RYR1: variants seen among roughly 807,000 people sequenced by gnomAD.
RYR1 encodes central core disease of muscle.
Under a neutral mutation model 583.5 loss-of-function variants are expected in RYR1, and 342 were observed. The ratio of observed to expected loss-of-function variants is 0.59; its 90% CI spans 0.54 to 0.64. RYR1 has a LOEUF of 0.64. Among genes scored for constraint, RYR1 ranks in the 30% least tolerant of loss-of-function variants. RYR1 has a pLI of 0.00. For missense variants in RYR1, 6,032 were observed against 6,917.2 expected (o/e 0.87, Z 4.54); for synonymous variants, 2,791 against 2,822.5 (o/e 0.99, Z 0.35).
At chr19:38,443,445 T>C (rs902160016) in intron 3 of RYR1, 113 bp from the exon 4 acceptor site, 8 of 939,184 alleles carry the variant, frequency 8.5e-6, no homozygotes, top group Non-Finnish European at 1.7e-6. Context: ...CCTCTAGGCC[T>C]GAGCATGGTA....
Position 38,483,194 on chromosome 19 carries a change from A to C in RYR1, c.4707+81A>C. The stretch of plus-strand genomic sequence containing the variant: ...GGAGGCCAGGCGGGCAGAGCCACTG[A>C]AGGGGAGGGGGCAATCCAAGAGGTC... On this transcript the variant is annotated intron_variant, in intron 32 of 105. Coordinates refer to ENST00000359596, the MANE Select transcript of RYR1 (RefSeq NM_000540.3). This position sits in a 1 kb window ranked among gnomAD's most constrained non-coding sequence, Gnocchi z 6.3. The C allele has an allele frequency of 6.3e-7, 1 of 1,594,628 alleles. No individual in the cohort carries two copies. Among genetic ancestry groups the C allele is most frequent in the Non-Finnish European group, 8.6e-7 (1 of 1,163,800 alleles).
intron 71 of RYR1, among the ~76,000 whole-genome samples, chr19:38,526,591 T>C (rs1364990898): frequency 1.4e-5 from 2 of 145,276 alleles, no homozygotes; most frequent in Admixed American, 1.4e-4. Context: ...TTGGCCCCTG[T>C]GTAACCAGTG....
Position 38,565,857 on chromosome 19 carries a change from A to C in RYR1, c.13437+86A>C. On this transcript the variant is annotated intron_variant, in intron 91 of 105. Coordinates refer to ENST00000359596, the MANE Select transcript of RYR1 (RefSeq NM_000540.3). This position sits in a 1 kb window ranked among gnomAD's most constrained non-coding sequence, Gnocchi z 4.7. Reference sequence around the variant, plus strand: ...AGCCCGGCTGGGTGGAGACACACACAGAGGAGAGAACTGGCTAGGGGGATG... The same window carrying C: ...AGCCCGGCTGGGTGGAGACACACACCGAGGAGAGAACTGGCTAGGGGGATG... The C allele has an allele frequency of 3.0e-6, 4 of 1,322,822 alleles. No homozygotes were observed. The highest frequency in any genetic ancestry group is 3.9e-6 in the Non-Finnish European group (4 of 1,037,032). 81.9% of individuals were successfully genotyped at this position (1,322,822 alleles called of 1,614,324 possible).
Position 38,519,294 on chromosome 19 carries a change from A to G in RYR1, c.10099A>G (p.Lys3367Glu). ...HFIPTIGRLR[K>E]RAGKVVSEEE... ...CATCCCAACTATCGGGCGGCTGCGC[A>G]AGAGGGCAGGGAAGGTGGTGTCCGA... is the stretch of plus-strand genomic sequence containing the variant. Residue 3367 changes from lysine to glutamate, a missense_variant, in exon 67 of 106, where the codon AAG becomes GAG. Around this residue, in one of 11 missense-constraint regions of RYR1, gnomAD observed 1,493 missense variants for 1,715.5 expected, o/e 0.87. Coordinates refer to ENST00000359596, the MANE Select transcript of RYR1 (RefSeq NM_000540.3). 1.2e-6 allele frequency: 2 copies of G among 1,614,106 alleles called. No homozygotes were observed. Among genetic ancestry groups the G allele is most frequent in the Non-Finnish European group, 1.7e-6 (2 of 1,179,978 alleles).
chr19:38,536,171 A>AG, intron 82 of RYR1, 101 bp downstream of exon 82: 1 of 1,012,612 alleles, frequency 9.9e-7, no homozygotes, highest in Non-Finnish European at 1.4e-6. Flanking sequence ...CCTTCCTCCA[A>AG]GACACTGGTT....
rs541081025 is a variant in RYR1, at chr19:38,561,216, A to G, written c.12386A>G (p.Asn4129Ser). Residue 4129 changes from asparagine (N) to serine (S), a missense_variant, in exon 90 of 106, where the codon AAC (asparagine) becomes AGC (serine). Physicochemically the swap from Asn to Ser is conservative, Grantham distance 46. Around this residue, in one of 11 missense-constraint regions of RYR1, gnomAD observed 753 missense variants for 759.6 expected, o/e 0.99. Transcript: ENST00000359596. This position sits in a 1 kb window ranked among gnomAD's most constrained non-coding sequence, Gnocchi z 4.8. ...ATGATCAACTGCGAAGAGTTCGCCA[A>G]CCGCTTCCAGGAGCCAGCACGCGAC... is the stretch of plus-strand genomic sequence containing the variant. ...NEMINCEEFANRFQEPARDIG... is the reference protein window; with the variant it reads ...NEMINCEEFASRFQEPARDIG... 1.2e-6 allele frequency: 2 copies of G among 1,614,010 alleles called. No homozygotes were observed. The highest frequency in any genetic ancestry group is 1.1e-5 in the South Asian group (1 of 91,086).
At chr19:38,527,293 C>T (rs1971508000) in intron 72 of RYR1, among the ~76,000 whole-genome samples, 1 of 152,194 alleles carries the variant, frequency 6.6e-6, no homozygotes, top group South Asian at 2.1e-4. Flanking sequence ...GGCAGATCAC[C>T]TGAGGTTAGG....
intron 101 of RYR1, among the ~76,000 whole-genome samples, chr19:38,581,907 C>T (rs1974231451): frequency 6.6e-6 from 1 of 152,076 alleles, no homozygotes. Context: ...TGCACCCGGC[C>T]TTATTTGAGC....
chr19:38,576,704 G>A (rs146926456), intron 97 of RYR1, among the ~76,000 whole-genome samples: 48 of 151,976 alleles, frequency 3.2e-4, no homozygotes, highest in African/African-American at 1.1e-3. Flanking sequence ...AGAGACTGAG[G>A]CAGGAGAATC....
At chr19:38,498,856 A>G (rs1236483418) in intron 42 of RYR1, among the ~76,000 whole-genome samples, 1 of 152,110 alleles carries the variant, frequency 6.6e-6, no homozygotes, top group African/African-American at 2.4e-5. Context: ...TCTTGTGCCA[A>G]CCTTCTATCT....
At chr19:38,471,057 G>A (rs900454098) in intron 27 of RYR1, among the ~76,000 whole-genome samples, 4 of 152,238 alleles carry the variant, frequency 2.6e-5, no homozygotes, top group South Asian at 4.1e-4. Context: ...AGAAGAAGCC[G>A]GAGACAAGAG....
At position 38,543,915 on chromosome 19, in the gene RYR1, G is replaced by T; in HGVS notation, c.12012+40G>T. The T allele has an allele frequency of 6.3e-7, 1 of 1,577,028 alleles. No homozygotes were observed. The highest frequency in any genetic ancestry group is 2.3e-5 in the East Asian group (1 of 44,038). On this transcript the variant is annotated intron_variant, in intron 87 of 105. Transcript: ENST00000359596. The surrounding 1 kb of genome is among the most constrained non-coding windows in gnomAD (Gnocchi z 4.4). ...GGTCTCCATCCACCTGCTTCCGGGC[G>T]TCCCCCAAGTGGTCCATTTCCAAGT...
intron 20 of RYR1, among the ~76,000 whole-genome samples, chr19:38,461,408 A>G (rs12979436): frequency 0.89 from 135,031 of 152,068 alleles, 60,167 homozygotes; most frequent in East Asian, 0.99. Context: ...GGATTCTGTC[A>G]GAGCAGAATC....
At chr19:38,454,445 T>C (rs1204477569) in intron 13 of RYR1, among the ~76,000 whole-genome samples, 1 of 152,262 alleles carries the variant, frequency 6.6e-6, no homozygotes, top group Non-Finnish European at 1.5e-5. Context: ...TGTGCCTTAC[T>C]GAGAAAATAT....
intron 31 of RYR1, among the ~76,000 whole-genome samples, chr19:38,482,536 G>A (rs1368715409): frequency 1.3e-5 from 2 of 152,114 alleles, no homozygotes; most frequent in East Asian, 1.9e-4. Flanking sequence ...CTGCAGCCTC[G>A]ACCTCCCAGG....
At chr19:38,517,784 G>A (rs1219612332) in intron 66 of RYR1, 93 bp downstream of exon 66, 1 of 1,224,674 alleles carries the variant, frequency 8.2e-7, no homozygotes. Flanking sequence ...GGTCCCCTCG[G>A]AGTTGGGAGG....
At chr19:38,553,500 ATTAGCT>A (rs1972754529) in intron 89 of RYR1, among the ~76,000 whole-genome samples, 1 of 151,980 alleles carries the variant, frequency 6.6e-6, no homozygotes, top group Non-Finnish European at 1.5e-5. Flanking sequence ...AAATCAAAAA[ATTAGCT>A]GGATGTGGAG....
At chr19:38,478,287 G>T in intron 30 of RYR1, 148 bp from the exon 31 acceptor site, 9 of 839,658 alleles carry the variant, frequency 1.1e-5, no homozygotes, top group Non-Finnish European at 1.7e-5. Context: ...TGTCCGGGGC[G>T]AGGGGTTTCA....
Position 38,496,877 on chromosome 19 carries a change from C to T in RYR1, c.6814C>T (p.Pro2272Ser), listed in dbSNP as rs777460436. The change falls in exon 42 of 106, where the codon CCC becomes TCC. Residue 2272 changes from proline to serine, a missense_variant. Physicochemically the swap from Pro to Ser is moderately conservative, Grantham distance 74. Around this residue, in one of 11 missense-constraint regions of RYR1, gnomAD observed 2,627 missense variants for 2,961.3 expected, o/e 0.89. Transcript: ENST00000359596. This position sits in a 1 kb window ranked among gnomAD's most constrained non-coding sequence, Gnocchi z 4.8. ...GIGLGMQGST[P>S]LDVAAASVID... is the part of the protein sequence containing the mutation. ...CCCTGCAGGCATGCAGGGCTCCACG[C>T]CCCTGGACGTGGCTGCTGCCTCCGT... The T allele has an allele frequency of 1.2e-6, 2 of 1,613,480 alleles. No individual in the cohort carries two copies. The highest frequency in any genetic ancestry group is 2.2e-5 in the East Asian group (1 of 44,874).
Sources: allele counts gnomAD v4.1 joint callset (sites outside exome capture counted in the v4.1 genomes callset), GRCh38; gene constraint gnomAD v4.1.1; regional missense constraint gnomAD v4.1.1; non-coding constraint Gnocchi (gnomAD v3.1); transcripts MANE v1.5; gene names NCBI Gene and HGNC (gene_info 2026-07-23, HGNC 2026-07-21).